STAP2: variants seen among roughly 807,000 people sequenced by gnomAD.
STAP2 encodes the protein signal transducing adaptor family member 2, also known as signal-transducing adaptor protein 2.
Under a neutral mutation model 52.7 loss-of-function variants are expected in STAP2, and 58 were observed. That is an observed-to-expected ratio of 1.10 (90% CI 0.89 to 1.37). The LOEUF is 1.37. STAP2 is among the 40% of genes most tolerant of loss of function. The pLI is 0.00. For synonymous variants in STAP2, 231 were observed against 210.5 expected (o/e 1.10, Z -0.84); for missense variants, 522 against 519.4 (o/e 1.00, Z -0.05).
chr19:4,329,363 C>A (rs1255628119), intron 5 of STAP2, among the ~76,000 whole-genome samples: 1 of 152,050 alleles, frequency 6.6e-6, no homozygotes, highest in Non-Finnish European at 1.5e-5. Context: ...CCTCGACCTC[C>A]CAAAACGCTG....
intron 9 of STAP2, 121 bp from the exon 10 acceptor site, chr19:4,325,666 G>C (rs1408842811): frequency 1.6e-6 from 2 of 1,240,964 alleles, no homozygotes; most frequent in Admixed American, 2.4e-5. Context: ...CTGTGTGTGT[G>C]CCCATGTATA....
intron 9 of STAP2, 124 bp downstream of exon 9, chr19:4,326,818 T>G: frequency 1.6e-6 from 2 of 1,288,382 alleles, no homozygotes; most frequent in Non-Finnish European, 2.2e-6. Context: ...CTGAGTCATT[T>G]CTGTCCCTGC....
intron 1 of STAP2, among the ~76,000 whole-genome samples, chr19:4,336,592 C>T (rs1297924389): frequency 6.6e-6 from 1 of 151,600 alleles, no homozygotes; most frequent in African/African-American, 2.4e-5. Context: ...GGGTTACAGG[C>T]GTGAGCCACC....
intron 11 of STAP2, chr19:4,324,826 A>G (rs537448309): frequency 7.3e-6 from 3 of 412,226 alleles, no homozygotes; most frequent in South Asian, 2.7e-5. Context: ...TCCATCTCAA[A>G]ACAAAAAACA....
intron 1 of STAP2, 70 bp from the exon 2 acceptor site, chr19:4,334,114 G>T: frequency 7.4e-7 from 1 of 1,360,162 alleles, no homozygotes. Flanking sequence ...ACTCAATCCT[G>T]TCTCGGGGCC....
In STAP2 at chr19:4,324,527, G is replaced by A. The variant is rs149398060; in HGVS notation, c.1075C>T (p.Pro359Ser). 196 of 1,567,014 alleles carry A rather than the reference G, an allele frequency of 1.3e-4. No homozygotes were observed. The highest frequency in any genetic ancestry group is 1.2e-4 in the Non-Finnish European group (134 of 1,154,238). ...PKPPVGPKPE[P>S]KVFNGGLGRK... Reference sequence around the variant, plus strand: ...CCCAAGCCACCATTAAAGACTTTGGGCTCTGGAAGAGAAGACAGATGAGGC... The same window carrying A: ...CCCAAGCCACCATTAAAGACTTTGGACTCTGGAAGAGAAGACAGATGAGGC... Residue 359 changes from proline (P) to serine (S), a missense_variant and splice_region_variant, in exon 12 of 13, where the codon CCC (proline) becomes TCC (serine). Transcript: ENST00000594605.
chr19:4,334,079 T>C, intron 1 of STAP2, 35 bp from the exon 2 acceptor site: 1 of 1,584,644 alleles, frequency 6.3e-7, no homozygotes, highest in Non-Finnish European at 8.6e-7. Context: ...AGAGGTGAGC[T>C]GGCCAAGCTG....
At chr19:4,329,301 C>A (rs185023966) in intron 5 of STAP2, among the ~76,000 whole-genome samples, 1 of 151,486 alleles carries the variant, frequency 6.6e-6, no homozygotes, top group African/African-American at 2.4e-5. Flanking sequence ...GAGATGGGGT[C>A]TCGCTATGTT....
intron 4 of STAP2, 22 bp from the exon 5 acceptor site, chr19:4,330,083 G>A: frequency 6.2e-7 from 1 of 1,601,388 alleles, no homozygotes; most frequent in Non-Finnish European, 8.6e-7. Flanking sequence ...TCGAGGGACA[G>A]TGACTGCACC....
chr19:4,327,426 C>A, intron 6 of STAP2, 41 bp from the exon 7 acceptor site: 2 of 1,608,168 alleles, frequency 1.2e-6, no homozygotes, highest in East Asian at 2.2e-5. Flanking sequence ...AGCCCAGGCT[C>A]CCACACCGCC....
intron 11 of STAP2, chr19:4,324,890 T>G: frequency 7.2e-6 from 3 of 418,238 alleles, no homozygotes; most frequent in Non-Finnish European, 1.3e-5. Context: ...ATCCCAGCAC[T>G]TTGGGAGGCC....
intron 9 of STAP2, 33 bp downstream of exon 9, chr19:4,326,909 C>T (rs1971800655): frequency 6.5e-7 from 1 of 1,550,134 alleles, no homozygotes; most frequent in South Asian, 1.2e-5. Flanking sequence ...TCCTCGATCC[C>T]TCCCACCTCG....
At chr19:4,330,804 T>C (rs1971877622) in intron 4 of STAP2, among the ~76,000 whole-genome samples, 1 of 140,678 alleles carries the variant, frequency 7.1e-6, no homozygotes, top group South Asian at 2.5e-4. Context: ...AACCTCCGAC[T>C]CCCGGGTTCA....
chr19:4,337,134 T>A (rs1438806723), intron 1 of STAP2, among the ~76,000 whole-genome samples: 1 of 151,946 alleles, frequency 6.6e-6, no homozygotes, highest in African/African-American at 2.4e-5. Flanking sequence ...GCAGTCATGG[T>A]GGCTCACACC....
At position 4,324,512 on chromosome 19, in the gene STAP2, C is replaced by T. The variant is rs1971751058; in HGVS notation, c.1090G>A (p.Gly364Ser). ...GPKPEPKVFN[G>S]GLGRKLPVSS... is the part of the protein sequence containing the mutation. ...ACTGGCAGCTTCCTGCCCAAGCCAC[C>T]ATTAAAGACTTTGGGCTCTGGAAGA... Residue 364 changes from glycine (G) to serine (S), a missense_variant, in exon 12 of 13, where the codon GGT becomes AGT. Physicochemically the swap from Gly to Ser is moderately conservative, Grantham distance 56. Transcript: ENST00000594605. 1.9e-6 allele frequency: 3 copies of T among 1,572,088 alleles called. No homozygotes were observed. The highest frequency in any genetic ancestry group is 1.7e-6 in the Non-Finnish European group (2 of 1,156,836).
chr19:4,330,100 G>T (rs927333985), intron 4 of STAP2, 39 bp from the exon 5 acceptor site: 1 of 1,540,560 alleles, frequency 6.5e-7, no homozygotes, highest in Non-Finnish European at 9.0e-7. Context: ...CACCTGGCCA[G>T]CCGGGAATGG....
rs777900233 is a variant in STAP2 at position 4,327,237 on chromosome 19, A to G, written c.661-11T>C. The G allele has an allele frequency of 3.7e-6, 6 of 1,613,922 alleles. No individual in the cohort carries two copies. Among genetic ancestry groups the G allele is most frequent in the African/African-American group, 2.7e-5 (2 of 74,932 alleles). On this transcript the variant is annotated splice_polypyrimidine_tract_variant and intron_variant, in intron 7 of 12. Transcript: ENST00000594605. ...GGAGGTGCAAGAGAACTGGGGGCAG[A>G]TGGGGGAGCGGTCAGGCTGCTGGAG...
chr19:4,338,555 CCG>C, intron 1 of STAP2, 95 bp downstream of exon 1: 21 of 719,780 alleles, frequency 2.9e-5, no homozygotes, highest in East Asian at 4.9e-5. Context: ...AGCACCCACC[CCG>C]CCCCCCCTTG....
intron 1 of STAP2, among the ~76,000 whole-genome samples, chr19:4,334,773 CACATCCATCTGT>C (rs1971946521): frequency 6.6e-6 from 1 of 151,332 alleles, no homozygotes; most frequent in Non-Finnish European, 1.5e-5. Context: ...CATCCACCCA[CACATCCATCTGT>C]CCACCCATCC....
Sources: gnomAD v4.1 joint callset for allele counts (sites outside exome capture counted in the v4.1 genomes callset) on GRCh38, gnomAD v4.1.1 for gene constraint, MANE v1.5 for transcripts, NCBI Gene and HGNC (gene_info 2026-07-23, HGNC 2026-07-21) for gene names.